Variants in PTPRD observed in about 807,000 individuals in gnomAD.
PTPRD encodes protein tyrosine phosphatase receptor type D.
PTPRD carries 34 observed loss-of-function variants against 214.5 expected under a neutral mutation model. The observed-to-expected ratio is 0.16, with a 90% confidence interval of 0.12 to 0.21. The LOEUF is 0.21. Among genes scored for constraint, PTPRD ranks in the 10% least tolerant of loss-of-function variants. The pLI is 1.00. For missense variants in PTPRD, 2,545 were observed against 2,398.7 expected (o/e 1.06, Z -1.27); for synonymous variants, 1,128 against 845.7 (o/e 1.33, Z -5.79).
At chr9:9,861,790 G>A (rs867793458) in intron 5 of PTPRD, among the ~76,000 whole-genome samples, 41 of 152,156 alleles carry the variant, frequency 2.7e-4, no homozygotes, top group African/African-American at 9.9e-4. Flanking sequence ...AGTTGGTAAT[G>A]ACAAGAAAAA....
chr9:8,814,814 A>T (rs1016650496), intron 11 of PTPRD, among the ~76,000 whole-genome samples: 1 of 152,250 alleles, frequency 6.6e-6, no homozygotes, highest in Non-Finnish European at 1.5e-5. Context: ...CAAAAATAAT[A>T]AAGTTAACTT....
intron 10 of PTPRD, among the ~76,000 whole-genome samples, chr9:9,058,594 C>A (rs1032502442): frequency 1.3e-5 from 2 of 150,920 alleles, no homozygotes; most frequent in African/African-American, 4.9e-5. Context: ...GGACTACAGG[C>A]TCCCGCCACC....
chr9:9,872,662 A>C (rs1048361158), intron 5 of PTPRD, among the ~76,000 whole-genome samples: 1 of 152,182 alleles, frequency 6.6e-6, no homozygotes, highest in Admixed American at 6.6e-5. Context: ...ATTACATGAG[A>C]TAGATACACT....
chr9:9,936,127 A>G (rs2089277726), intron 5 of PTPRD, among the ~76,000 whole-genome samples: 1 of 147,288 alleles, frequency 6.8e-6, no homozygotes, highest in South Asian at 2.1e-4. Context: ...TAAAAGCCCT[A>G]GAAGAAAACC....
intron 20 of PTPRD, 91 bp from the exon 21 acceptor site, chr9:8,518,520 T>A (rs1319644697): frequency 8.7e-6 from 8 of 923,556 alleles, no homozygotes; most frequent in Admixed American, 7.7e-5. Flanking sequence ...ATGACAGGAT[T>A]ATGTATCTAC....
chr9:8,389,468 A>G, intron 36 of PTPRD, 61 bp from the exon 37 acceptor site: 1 of 1,319,686 alleles, frequency 7.6e-7, no homozygotes. Context: ...ACAGCCTGGG[A>G]CATGACCTAA....
At chr9:8,892,678 T>G (rs957717120) in intron 11 of PTPRD, among the ~76,000 whole-genome samples, 1 of 96,864 alleles carries the variant, frequency 1.0e-5, no homozygotes. Flanking sequence ...TATGTGTATA[T>G]ATATATGAGT....
chr9:10,310,765 T>G (rs1260709361), intron 3 of PTPRD, among the ~76,000 whole-genome samples: 2 of 152,092 alleles, frequency 1.3e-5, no homozygotes, highest in African/African-American at 4.8e-5. Context: ...TGTAACACTG[T>G]CTTCTAATAA....
intron 3 of PTPRD, among the ~76,000 whole-genome samples, chr9:10,208,065 C>T (rs527853514): frequency 6.6e-6 from 1 of 152,160 alleles, no homozygotes; most frequent in Non-Finnish European, 1.5e-5. Flanking sequence ...CTAAATATAG[C>T]TCTAGGCTGT....
chr9:9,618,161 A>G (rs2095017780), intron 7 of PTPRD, among the ~76,000 whole-genome samples: 1 of 144,350 alleles, frequency 6.9e-6, no homozygotes, highest in African/African-American at 2.5e-5. Flanking sequence ...GAGGTGGGGT[A>G]TTCCTTAATA....
chr9:9,332,194 A>T (rs987547188), intron 9 of PTPRD, among the ~76,000 whole-genome samples: 1 of 152,052 alleles, frequency 6.6e-6, no homozygotes, highest in South Asian at 2.1e-4. Context: ...TCAGTCATTT[A>T]TGTGCTTGCT....
intron 36 of PTPRD, among the ~76,000 whole-genome samples, chr9:8,396,401 T>A (rs540088444): frequency 6.6e-6 from 1 of 152,222 alleles, no homozygotes; most frequent in South Asian, 2.1e-4. Context: ...TTCCCAGCAA[T>A]CTGCTACCTG....
intron 3 of PTPRD, among the ~76,000 whole-genome samples, chr9:10,094,509 A>G (rs914330122): frequency 1.3e-5 from 2 of 150,314 alleles, no homozygotes; most frequent in African/African-American, 4.9e-5. Context: ...AAATAAATAA[A>G]CAACAGTATG....
chr9:8,366,920 G>A (rs10977002), intron 39 of PTPRD, among the ~76,000 whole-genome samples: 13,303 of 152,238 alleles, frequency 0.087, 621 homozygotes, highest in Middle Eastern at 0.11. Context: ...CTGCCATGGT[G>A]CAAAAATATT....
In PTPRD at chr9:9,030,276, C is replaced by CTTTTTTTT. The variant is rs71317396; in HGVS notation, c.-142-11549_-142-11542dup. On this transcript the variant is annotated intron_variant, in intron 10 of 45. Coordinates refer to ENST00000381196, the MANE Select transcript of PTPRD (RefSeq NM_002839.4). ...TTGGATCACATGGGCCACACTTGGG[C>CTTTTTTTT]TTTTTTTTTTTTTTTTTTTTTTTTT... Among the ~76,000 whole-genome samples the CTTTTTTTT allele has an allele frequency of 1.3e-3, 51 of 37,920 alleles. 3 individuals are homozygous for CTTTTTTTT. Among genetic ancestry groups the CTTTTTTTT allele is most frequent in the African/African-American group, 2.2e-3 (20 of 9,200 alleles). 24.9% of individuals were successfully genotyped at this position (37,920 alleles called of 152,430 possible).
In PTPRD at chr9:9,583,277, A is replaced by T. The variant is rs887937363; in HGVS notation, c.-286-8496T>A. On this transcript the variant is annotated intron_variant, in intron 7 of 45. Coordinates refer to ENST00000381196, the MANE Select transcript of PTPRD (RefSeq NM_002839.4). ...TAGCAAGTGGGAATTTATGTCTCTT[A>T]ACTGAAAATTTATACATCCTTATGT... 3.9e-5 allele frequency among the ~76,000 whole-genome samples: 6 copies of T among 152,178 alleles called. No homozygotes were observed. The East Asian group carries it at 5.8e-4, about 15-fold the overall frequency.
chr9:10,246,208 A>G (rs142702315), intron 3 of PTPRD, among the ~76,000 whole-genome samples: 56 of 152,204 alleles, frequency 3.7e-4, no homozygotes, highest in Non-Finnish European at 7.4e-4. Context: ...CTGTATTCAT[A>G]AAGTGAAACA....
intron 2 of PTPRD, among the ~76,000 whole-genome samples, chr9:10,544,622 C>T (rs2059819409): frequency 6.6e-6 from 1 of 152,126 alleles, no homozygotes; most frequent in Admixed American, 6.6e-5. Context: ...GGACTATAAG[C>T]ACTCTACACT....
At chr9:8,720,140 G>A (rs1182349885) in intron 12 of PTPRD, among the ~76,000 whole-genome samples, 1 of 152,228 alleles carries the variant, frequency 6.6e-6, no homozygotes, top group East Asian at 1.9e-4. Context: ...ATGGCTTATA[G>A]TCATGAAGAA....
Sources: gnomAD v4.1 joint callset for allele counts (sites outside exome capture counted in the v4.1 genomes callset) on GRCh38, gnomAD v4.1.1 for gene constraint, MANE v1.5 for transcripts, NCBI Gene and HGNC (gene_info 2026-07-23, HGNC 2026-07-21) for gene names.